Variants in CCDC82 observed in about 807,000 individuals in gnomAD.
CCDC82 encodes the protein coiled-coil domain containing 82, also known as coiled-coil domain-containing protein 82.
CCDC82 carries 47 observed loss-of-function variants against 60.6 expected under a neutral mutation model. That is an observed-to-expected ratio of 0.77 (90% CI 0.61 to 0.99). The LOEUF (loss-of-function observed/expected upper bound fraction) is 0.99. CCDC82 is among the 50% of genes least tolerant of loss of function. The pLI is 0.00. For synonymous variants in CCDC82, 212 were observed against 207.4 expected (o/e 1.02, Z -0.19); for missense variants, 588 against 633.0 (o/e 0.93, Z 0.76).
chr11:96,365,565 T>C (rs1293010144), intron 7 of CCDC82, among the ~76,000 whole-genome samples: 1 of 152,204 alleles, frequency 6.6e-6, no homozygotes, highest in African/African-American at 2.4e-5. Context: ...CTTTCCATTA[T>C]ATGAATTATA....
At position 96,383,423 on chromosome 11, in the gene CCDC82, TTCC is replaced by T; in HGVS notation, c.834_836del (p.Glu281del). The T allele has an allele frequency of 6.2e-7, 1 of 1,604,388 alleles. No individual in the cohort carries two copies. On this transcript the variant is annotated inframe_deletion, in exon 5 of 10. Transcript: ENST00000646818. ...CATCAGATTCATAATTATCCTCTTC[TTCC>T]TCCTCATCAACTTCATCACTGCTTG...
intron 1 of CCDC82, chr11:96,388,557 T>C (rs962046871): frequency 2.0e-5 from 3 of 152,258 alleles, no homozygotes; most frequent in Non-Finnish European, 4.4e-5. Flanking sequence ...GCTTGTGTTC[T>C]TTCTCTAACA....
At chr11:96,367,168 T>G (rs956505115) in intron 7 of CCDC82, among the ~76,000 whole-genome samples, 2 of 152,194 alleles carry the variant, frequency 1.3e-5, no homozygotes, top group Non-Finnish European at 1.5e-5. Flanking sequence ...CTGTGGCAAT[T>G]TCTTAAAACA....
intron 9 of CCDC82, chr11:96,355,592 A>C (rs483930): frequency 1.3e-5 from 2 of 152,222 alleles, no homozygotes; most frequent in African/African-American, 2.4e-5. Context: ...GCTTGCTCCC[A>C]AATTCTACTG....
In CCDC82 at chr11:96,383,391, C is replaced by A; in HGVS notation, c.869G>T (p.Gly290Val). 1 of 1,600,482 alleles carries A rather than the reference C, an allele frequency of 6.2e-7. No individual in the cohort carries two copies. Among genetic ancestry groups the A allele is most frequent in the South Asian group, 1.1e-5 (1 of 90,268 alleles). Residue 290 changes from glycine to valine, a missense_variant, in exon 5 of 10, where the codon GGA becomes GTA. Gly to Val is a moderately radical substitution (Grantham distance 109). Coordinates refer to ENST00000646818, the MANE Select transcript of CCDC82 (RefSeq NM_024725.4). ...AAAGTCATCGATAATATAATCATCT[C>A]CATCTTCATCAGATTCATAATTATC... ...EEDNYESDED[G>V]DDYIIDDFVV... is the part of the protein sequence containing the mutation.
chr11:96,367,313 G>A (rs1865000389), intron 7 of CCDC82, among the ~76,000 whole-genome samples: 1 of 152,182 alleles, frequency 6.6e-6, no homozygotes, highest in South Asian at 2.1e-4. Context: ...ATGTTATACA[G>A]AATAGAACTT....
intron 8 of CCDC82, among the ~76,000 whole-genome samples, chr11:96,361,672 T>C (rs939359889): frequency 6.6e-6 from 1 of 152,202 alleles, no homozygotes; most frequent in African/African-American, 2.4e-5. Context: ...TATTTCTTTA[T>C]CATATGAATT....
rs779418835 is a variant in CCDC82, at chr11:96,384,471, C to T, written c.277G>A (p.Glu93Lys). 2.5e-6 allele frequency: 4 copies of T among 1,613,782 alleles called. No homozygotes were observed. Among genetic ancestry groups the T allele is most frequent in the Non-Finnish European group, 8.5e-7 (1 of 1,179,812 alleles). The change falls in exon 4 of 10, where the codon GAA becomes AAA. Residue 93 changes from glutamate to lysine, a missense_variant. Coordinates refer to ENST00000646818, the MANE Select transcript of CCDC82 (RefSeq NM_024725.4). ...ATGAGACACTTACTGTCATTTCCTTCACTTTGAATTTTACTTAAGTTGAGC... is the reference window on the plus strand; with the variant it reads ...ATGAGACACTTACTGTCATTTCCTTTACTTTGAATTTTACTTAAGTTGAGC... ...RELNLSKIQS[E>K]GNDSKCLINS...
chr11:96,389,294 T>A (rs1345937400), intron 1 of CCDC82: 1 of 152,214 alleles, frequency 6.6e-6, no homozygotes, highest in African/African-American at 2.4e-5. Context: ...GCAGCAGGAA[T>A]GAGTGGTAGA....
chr11:96,380,025 A>T (rs138764146), intron 5 of CCDC82, among the ~76,000 whole-genome samples: 186 of 151,954 alleles, frequency 1.2e-3, no homozygotes, highest in Non-Finnish European at 1.7e-3. Context: ...TACCACAGAA[A>T]GTAGAAGAGC....
At chr11:96,357,864 G>C in intron 9 of CCDC82, 1 of 985,346 alleles carries the variant, frequency 1.0e-6, no homozygotes, top group South Asian at 4.7e-5. Context: ...TTTGGAGTAG[G>C]AGAAGTAGAA....
At chr11:96,364,848 G>T in intron 8 of CCDC82, 132 bp downstream of exon 8, 1 of 684,706 alleles carries the variant, frequency 1.5e-6, no homozygotes. Flanking sequence ...ATTTACTTGT[G>T]GGTTGCCAAT....
chr11:96,375,047 A>T (rs1865494751), intron 5 of CCDC82, among the ~76,000 whole-genome samples: 1 of 152,106 alleles, frequency 6.6e-6, no homozygotes, highest in Admixed American at 6.5e-5. Context: ...TCTGGACATA[A>T]TATAATATTG....
intron 7 of CCDC82, among the ~76,000 whole-genome samples, chr11:96,367,493 C>T (rs1206510205): frequency 6.6e-6 from 1 of 152,212 alleles, no homozygotes; most frequent in Non-Finnish European, 1.5e-5. Context: ...AACTCCTCAT[C>T]CATTCAATTT....
intron 2 of CCDC82, chr11:96,386,725 C>T (rs1183636043): frequency 6.6e-6 from 1 of 152,162 alleles, no homozygotes; most frequent in Non-Finnish European, 1.5e-5. Flanking sequence ...ATATAATCAG[C>T]ATTGTAATAG....
chr11:96,389,290 G>A (rs993237239), intron 1 of CCDC82: 5 of 152,190 alleles, frequency 3.3e-5, no homozygotes, highest in African/African-American at 7.2e-5. Context: ...TAATGCAGCA[G>A]GAATGAGTGG....
chr11:96,363,080 C>T (rs937682216), intron 8 of CCDC82: 1 of 151,678 alleles, frequency 6.6e-6, no homozygotes, highest in African/African-American at 2.4e-5. Flanking sequence ...TCTCCTGCCT[C>T]GAGTAGCTGG....
At chr11:96,365,707 TTATC>T (rs1416755156) in intron 7 of CCDC82, among the ~76,000 whole-genome samples, 2 of 152,232 alleles carry the variant, frequency 1.3e-5, no homozygotes. Context: ...AATAGCTCAG[TTATC>T]AATGAGTAAA....
At chr11:96,378,863 A>G (rs1309940226) in intron 5 of CCDC82, among the ~76,000 whole-genome samples, 1 of 151,976 alleles carries the variant, frequency 6.6e-6, no homozygotes, top group East Asian at 1.9e-4. Context: ...ATAGGGATTG[A>G]TAATAAAAGA....
Sources: allele counts gnomAD v4.1 joint callset (sites outside exome capture counted in the v4.1 genomes callset), GRCh38; gene constraint gnomAD v4.1.1; transcripts MANE v1.5; gene names NCBI Gene and HGNC (gene_info 2026-07-23, HGNC 2026-07-21).